SHISAL1: variants seen among roughly 807,000 people sequenced by gnomAD.
SHISAL1 encodes protein shisa-like-1.
Under a neutral mutation model 22.6 loss-of-function variants are expected in SHISAL1, and 9 were observed. The ratio of observed to expected loss-of-function variants is 0.40; its 90% confidence interval spans 0.24 to 0.70. The LOEUF (loss-of-function observed/expected upper bound fraction) is 0.70. Ranked by LOEUF, SHISAL1 falls within the 30% of genes least tolerant of loss-of-function variation. The pLI, the probability that SHISAL1 is intolerant of heterozygous loss-of-function variation, is 0.39. For synonymous variants in SHISAL1, 119 were observed against 115.4 expected (o/e 1.03, Z -0.20); for missense variants, 246 against 270.6 (o/e 0.91, Z 0.64).
At chr22:44,292,223 C>A (rs190626696) in intron 3 of SHISAL1, among the ~76,000 whole-genome samples, 1 of 152,268 alleles carries the variant, frequency 6.6e-6, no homozygotes, top group East Asian at 1.9e-4. Context: ...TGGGGGAGGA[C>A]CAGGAGCTCT....
chr22:44,263,446 G>A, intron 4 of SHISAL1, among the ~76,000 whole-genome samples: 1 of 152,184 alleles, frequency 6.6e-6, no homozygotes, highest in Admixed American at 6.5e-5. Flanking sequence ...CTTTGTAAAT[G>A]TGTCCCTGCA....
At position 44,303,252 on chromosome 22, in the gene SHISAL1, T is replaced by C. The variant is rs568364161; in HGVS notation, c.-32-2275A>G. On this transcript the variant is annotated intron_variant, in intron 1 of 4. Coordinates refer to ENST00000381176, the MANE Select transcript of SHISAL1 (RefSeq NM_001099294.2). ...TCCCTGGTGGCACCCTGTTATGGTA[T>C]GTGAATTGTGTTCCCCCCAAATTCA... Among the ~76,000 whole-genome samples the C allele has an allele frequency of 5.9e-5, 9 of 152,150 alleles. No homozygotes were observed. The East Asian group carries it at 1.7e-3, about 29-fold the overall frequency.
At chr22:44,299,685 TGAG>T (rs1464633087) in intron 2 of SHISAL1, among the ~76,000 whole-genome samples, 3 of 151,826 alleles carry the variant, frequency 2.0e-5, no homozygotes, top group African/African-American at 7.3e-5. Context: ...CATGCGGGCA[TGAG>T]GAGGTACAGA....
At chr22:44,262,698 G>A (rs2055133316) in intron 4 of SHISAL1, among the ~76,000 whole-genome samples, 1 of 152,238 alleles carries the variant, frequency 6.6e-6, no homozygotes, top group Non-Finnish European at 1.5e-5. Flanking sequence ...GCAGGCTGGG[G>A]AGTAGCAGGC....
the SHISAL1 span, among the ~76,000 whole-genome samples, chr22:44,322,259 G>A: frequency 1.4e-3 from 214 of 152,336 alleles, 1 homozygote; most frequent in African/African-American, 5.0e-3. Flanking sequence ...ATAGGGCTAC[G>A]GTGAGCAGGT....
At chr22:44,306,914 A>G (rs933818034) in intron 1 of SHISAL1, among the ~76,000 whole-genome samples, 320 of 54,182 alleles carry the variant, frequency 5.9e-3, no homozygotes, top group Middle Eastern at 0.019. Flanking sequence ...CGTGTGTGGA[A>G]GGGACCTGTG....
Position 44,279,936 on chromosome 22 carries a change from C to A in SHISAL1, c.599+5492G>T, listed in dbSNP as rs369147131. On this transcript the variant is annotated intron_variant, in intron 4 of 4. Transcript: ENST00000381176. ...ACAAGACCCAGGGGATTTGGATACC[C>A]CTTAAGATCTGAGATGTACACATGA... 3.0e-4 allele frequency among the ~76,000 whole-genome samples: 46 copies of A among 152,308 alleles called. No individual in the cohort carries two copies. The East Asian group carries it at 4.2e-3, about 14-fold the overall frequency.
the SHISAL1 span, among the ~76,000 whole-genome samples, chr22:44,321,042 C>T: frequency 6.6e-6 from 1 of 152,166 alleles, no homozygotes; most frequent in South Asian, 2.1e-4. Flanking sequence ...ATGCCTGGGG[C>T]TGCCTGGGAG....
intron 4 of SHISAL1, among the ~76,000 whole-genome samples, chr22:44,268,437 A>G (rs1192401277): frequency 2.0e-5 from 3 of 152,218 alleles, no homozygotes; most frequent in Non-Finnish European, 4.4e-5. Context: ...GATGACTTAG[A>G]AGGCGCAGTC....
intron 4 of SHISAL1, among the ~76,000 whole-genome samples, chr22:44,284,889 G>GCCTGCCTGCCTT: frequency 2.6e-5 from 2 of 75,854 alleles, no homozygotes; most frequent in African/African-American, 1.2e-4. Context: ...CCACCTCTCT[G>GCCTGCCTGCCTT]CCTTCCTGCC....
At chr22:44,281,251 A>G (rs1014263908) in intron 4 of SHISAL1, among the ~76,000 whole-genome samples, 12 of 152,150 alleles carry the variant, frequency 7.9e-5, no homozygotes, top group African/African-American at 2.9e-4. Context: ...CTGAGCAGCT[A>G]CTATGTGCTG....
At chr22:44,251,730 G>A (rs2055048932) in intron 4 of SHISAL1, among the ~76,000 whole-genome samples, 1 of 152,176 alleles carries the variant, frequency 6.6e-6, no homozygotes, top group Non-Finnish European at 1.5e-5. Flanking sequence ...CATTCACCAT[G>A]AGAACAGCAT....
chr22:44,246,170 T>G lies in SHISAL1; in HGVS notation c.*3515A>C, dbSNP rs1439323053. On this transcript the variant is annotated 3_prime_UTR_variant, in exon 5 of 5. Coordinates refer to ENST00000381176, the MANE Select transcript of SHISAL1 (RefSeq NM_001099294.2). ...TTGAGGGCAGCGAGCCAGCAGGCAT[T>G]ACCAGCTATTGGTTCTGAATAGAGA... 6.6e-6 allele frequency: 1 copy of G among 152,218 alleles called. No individual in the cohort carries two copies. Among genetic ancestry groups the G allele is most frequent in the East Asian group, 1.9e-4 (1 of 5,182 alleles). The allele number at this position is 152,218 out of a possible 1,614,324, so 9.4% of individuals were successfully genotyped here.
At chr22:44,296,170 T>C (rs906796959) in intron 3 of SHISAL1, among the ~76,000 whole-genome samples, 1 of 151,106 alleles carries the variant, frequency 6.6e-6, no homozygotes, top group Non-Finnish European at 1.5e-5. Context: ...TTTTCTTTTC[T>C]TTTTTGAGAC....
chr22:44,296,009 TAA>T (rs2055382843), intron 3 of SHISAL1, among the ~76,000 whole-genome samples: 1 of 152,210 alleles, frequency 6.6e-6, no homozygotes, highest in Non-Finnish European at 1.5e-5. Context: ...CAGTATTTGT[TAA>T]ATGAATGAAG....
At chr22:44,274,276 G>A (rs2055224683) in intron 4 of SHISAL1, among the ~76,000 whole-genome samples, 1 of 151,972 alleles carries the variant, frequency 6.6e-6, no homozygotes, top group Non-Finnish European at 1.5e-5. Context: ...ATAGAAATAG[G>A]GGCACCCCAT....
chr22:44,257,716 C>A (rs546841470), intron 4 of SHISAL1, among the ~76,000 whole-genome samples: 1 of 152,328 alleles, frequency 6.6e-6, no homozygotes, highest in South Asian at 2.1e-4. Context: ...GAAAGGGACT[C>A]GCCACCGTGC....
chr22:44,321,903 G>C, the SHISAL1 span, among the ~76,000 whole-genome samples: 2 of 152,160 alleles, frequency 1.3e-5, no homozygotes, highest in African/African-American at 4.8e-5. Context: ...CCTGGGTTCA[G>C]ACTCCTGCAG....
intron 2 of SHISAL1, among the ~76,000 whole-genome samples, chr22:44,299,410 C>T (rs903095027): frequency 1.3e-5 from 2 of 152,224 alleles, no homozygotes; most frequent in East Asian, 3.9e-4. Flanking sequence ...CTGAGTGTCT[C>T]ACCTTCCTCA....
Sources: gnomAD v4.1 joint callset for allele counts (sites outside exome capture counted in the v4.1 genomes callset) on GRCh38, gnomAD v4.1.1 for gene constraint, MANE v1.5 for transcripts, NCBI Gene and HGNC (gene_info 2026-07-23, HGNC 2026-07-21) for gene names.